Variants in DPF3 observed in about 807,000 individuals in gnomAD.
DPF3 encodes the protein zinc finger protein DPF3.
Under a neutral mutation model 56.8 loss-of-function variants are expected in DPF3, and 18 were observed. The observed-to-expected ratio is 0.32, with a 90% CI of 0.22 to 0.47. The LOEUF is 0.47. DPF3 is among the 20% of genes least tolerant of loss of function. DPF3 has a pLI of 1.00. For missense variants in DPF3, 403 were observed against 488.8 expected (o/e 0.82, Z 1.65); for synonymous variants, 188 against 180.2 (o/e 1.04, Z -0.35).
intron 1 of DPF3, among the ~76,000 whole-genome samples, chr14:72,792,410 CA>C (rs764405621): frequency 1.3e-5 from 2 of 149,450 alleles, no homozygotes; most frequent in African/African-American, 4.9e-5. Context: ...GAAGCAATGG[CA>C]AAAAAAGAAA....
At chr14:72,890,268 A>C (rs1158182141) in intron 1 of DPF3, among the ~76,000 whole-genome samples, 2 of 152,158 alleles carry the variant, frequency 1.3e-5, no homozygotes, top group Admixed American at 6.5e-5. Flanking sequence ...AGGCAGGCAG[A>C]TCACTTGAGG....
intron 1 of DPF3, among the ~76,000 whole-genome samples, chr14:72,817,679 C>A (rs78959428): frequency 0.094 from 14,210 of 151,518 alleles, 817 homozygotes; most frequent in Admixed American, 0.18. Context: ...CACCACCTCA[C>A]AACAAAAACC....
chr14:72,867,876 C>T (rs1270375218), intron 1 of DPF3, among the ~76,000 whole-genome samples: 1 of 152,094 alleles, frequency 6.6e-6, no homozygotes, highest in Non-Finnish European at 1.5e-5. Flanking sequence ...GTAGCTGGGA[C>T]CACAGGTGTG....
chr14:72,726,894 T>C (rs956076227), intron 4 of DPF3, among the ~76,000 whole-genome samples: 11 of 152,182 alleles, frequency 7.2e-5, no homozygotes, highest in African/African-American at 2.7e-4. Context: ...TGGCCTGGAA[T>C]ACTGCAAAAA....
chr14:72,821,523 T>G (rs995117854), intron 1 of DPF3, among the ~76,000 whole-genome samples: 1 of 152,232 alleles, frequency 6.6e-6, no homozygotes, highest in Admixed American at 6.5e-5. Flanking sequence ...ATCAATATGA[T>G]GAACTATCGA....
At chr14:72,690,843 G>A (rs902267698) in intron 7 of DPF3, among the ~76,000 whole-genome samples, 3 of 152,200 alleles carry the variant, frequency 2.0e-5, no homozygotes, top group Non-Finnish European at 4.4e-5. Context: ...AAACACTTTA[G>A]AGAGCGCGAC....
At chr14:72,661,854 CTT>C (rs60114618) in intron 8 of DPF3, 15,328 of 859,612 alleles carry the variant, frequency 0.018, 64 homozygotes, top group East Asian at 0.099. Context: ...TTTATTTTTG[CTT>C]TTTTTTTTTT....
chr14:72,796,266 C>T (rs1194080218), intron 1 of DPF3, among the ~76,000 whole-genome samples: 2 of 152,142 alleles, frequency 1.3e-5, no homozygotes, highest in East Asian at 1.9e-4. Context: ...TTCCAGAAGG[C>T]GGAGGCAGGC....
At chr14:72,722,318 G>A (rs369022658) in intron 5 of DPF3, among the ~76,000 whole-genome samples, 51 of 152,272 alleles carry the variant, frequency 3.3e-4, no homozygotes, top group East Asian at 2.9e-3. Flanking sequence ...AGAGCTGCCC[G>A]CCCAGCCCCT....
In DPF3 at chr14:72,870,086, T is replaced by C. The variant is rs982650152; in HGVS notation, c.32+23971A>G. Among the ~76,000 whole-genome samples the C allele has an allele frequency of 2.6e-5, 4 of 152,264 alleles. No homozygotes were observed. In the South Asian group the frequency reaches 6.2e-4, roughly 24 times the overall value. ...AAACTTTGGACAGTTAAAAATAACA[T>C]AGGGGCCTGGTGTTTGGAAGATCTG... On this transcript the variant is annotated intron_variant, in intron 1 of 10. Coordinates refer to ENST00000556509, the MANE Select transcript of DPF3 (RefSeq NM_001280542.3).
At chr14:72,718,729 T>G (rs1488410964) in intron 5 of DPF3, among the ~76,000 whole-genome samples, 3 of 146,922 alleles carry the variant, frequency 2.0e-5, no homozygotes, top group African/African-American at 7.5e-5. Context: ...AAGGAATTCC[T>G]GAGATCAAAA....
chr14:72,691,737 A>G (rs1170363531), intron 7 of DPF3, among the ~76,000 whole-genome samples: 3 of 151,980 alleles, frequency 2.0e-5, no homozygotes, highest in African/African-American at 7.2e-5. Context: ...GAAAAAAAAA[A>G]AAGAAGAAGA....
At chr14:72,674,500 T>C in intron 7 of DPF3, 132 bp from the exon 8 acceptor site, 2 of 1,325,494 alleles carry the variant, frequency 1.5e-6, no homozygotes. Flanking sequence ...GTTGGCAAAT[T>C]GGGCTACGCT....
chr14:72,884,183 G>A (rs1159892294), intron 1 of DPF3, among the ~76,000 whole-genome samples: 1 of 152,048 alleles, frequency 6.6e-6, no homozygotes, highest in Non-Finnish European at 1.5e-5. Context: ...TCAGGTCAGG[G>A]CTATGACCGG....
chr14:72,860,543 T>C (rs1053344603), intron 1 of DPF3, among the ~76,000 whole-genome samples: 2 of 145,030 alleles, frequency 1.4e-5, no homozygotes, highest in Non-Finnish European at 3.0e-5. Flanking sequence ...AGTGGTCCAC[T>C]GCAGCTTAAT....
intron 2 of DPF3, among the ~76,000 whole-genome samples, chr14:72,760,033 G>A (rs1181759159): frequency 1.3e-5 from 2 of 151,870 alleles, no homozygotes; most frequent in African/African-American, 2.4e-5. Context: ...AAGTACTTTA[G>A]GCAGAAGGAA....
chr14:72,872,422 C>G (rs1199253087), intron 1 of DPF3, among the ~76,000 whole-genome samples: 1 of 152,210 alleles, frequency 6.6e-6, no homozygotes, highest in African/African-American at 2.4e-5. Context: ...CCTAGTCAGG[C>G]TGCAAATTTT....
chr14:72,854,127 T>A lies in DPF3; in HGVS notation c.32+39930A>T, dbSNP rs546992031. On this transcript the variant is annotated intron_variant, in intron 1 of 10. Coordinates refer to ENST00000556509, the MANE Select transcript of DPF3 (RefSeq NM_001280542.3). Reference sequence around the variant, plus strand: ...ATCCCAGCACTTTGGGAGGCCAAGATGGGCGGATCACTTGGGGTCAGGAGT... The same window carrying A: ...ATCCCAGCACTTTGGGAGGCCAAGAAGGGCGGATCACTTGGGGTCAGGAGT... Among the ~76,000 whole-genome samples, 10 of 152,234 alleles carry A rather than the reference T, an allele frequency of 6.6e-5. 1 individual carries two copies. The South Asian group carries it at 2.1e-3, about 32-fold the overall frequency.
chr14:72,709,856 C>T (rs942411590), intron 6 of DPF3, among the ~76,000 whole-genome samples: 1 of 150,752 alleles, frequency 6.6e-6, no homozygotes, highest in Non-Finnish European at 1.5e-5. Context: ...CTTAGCCTAG[C>T]GCTCTACACA....
Sources: gnomAD v4.1 joint callset for allele counts (sites outside exome capture counted in the v4.1 genomes callset) on GRCh38, gnomAD v4.1.1 for gene constraint, MANE v1.5 for transcripts, NCBI Gene and HGNC (gene_info 2026-07-23, HGNC 2026-07-21) for gene names.